Variants in CD36 observed in about 807,000 individuals in gnomAD.
The protein encoded by CD36 is CD36 molecule (CD36 blood group), also known as platelet glycoprotein 4.
A neutral mutation model predicts 55.2 loss-of-function variants in CD36; 119 were observed. The observed-to-expected ratio is 2.15, with a 90% CI of 1.86 to 2.51. CD36 has a LOEUF of 2.51. CD36 is among the 30% of genes most tolerant of loss of function. The probability of loss-of-function intolerance (pLI) is 0.00; values close to 1 mark genes in which losing one functional copy is unlikely to be tolerated. For synonymous variants in CD36, 186 were observed against 193.6 expected (o/e 0.96, Z 0.33); for missense variants, 819 against 555.5 (o/e 1.47, Z -4.77).
rs910630944 is a variant in CD36, at chr7:80,677,724, G to C, written c.*1341G>C. On this transcript the variant is annotated 3_prime_UTR_variant, in exon 15 of 15. Coordinates refer to ENST00000447544, the MANE Select transcript of CD36 (RefSeq NM_001001548.3). Reference sequence around the variant, plus strand: ...ACATGTCCATCTAATATAAAGGAAAGTTTTTTAATCATTGAGGCATGTAGG... The same window carrying C: ...ACATGTCCATCTAATATAAAGGAAACTTTTTTAATCATTGAGGCATGTAGG... 20 of 152,106 alleles carry C rather than the reference G, an allele frequency of 1.3e-4. No individual in the cohort carries two copies. Among genetic ancestry groups the C allele is most frequent in the African/African-American group, 4.8e-4 (20 of 41,398 alleles). 9.4% of individuals were successfully genotyped at this position (152,106 alleles called of 1,614,324 possible).
chr7:80,604,794 C>G (rs1260695308), intron 1 of CD36, among the ~76,000 whole-genome samples: 1 of 151,922 alleles, frequency 6.6e-6, no homozygotes, highest in Non-Finnish European at 1.5e-5. Flanking sequence ...GTTGTTCCTT[C>G]TCATTAAGTC....
chr7:80,667,192 CCAAGGCAGGTAGACTA>C (rs1285312409), intron 8 of CD36, among the ~76,000 whole-genome samples: 7 of 152,028 alleles, frequency 4.6e-5, no homozygotes, highest in Non-Finnish European at 8.8e-5. Flanking sequence ...CTTTGGGAGA[CCAAGGCAGGTAGACTA>C]CTTGTGCCCC....
At chr7:80,633,083 C>T (rs1336379369) in intron 1 of CD36, 2 of 151,920 alleles carry the variant, frequency 1.3e-5, no homozygotes, top group African/African-American at 2.4e-5. Flanking sequence ...GTTTTTTCCT[C>T]GAATAATTTC....
In CD36 at chr7:80,673,343, C is replaced by G. The variant is rs765778656; in HGVS notation, c.1200-12C>G. On this transcript the variant is annotated splice_polypyrimidine_tract_variant and intron_variant, in intron 12 of 14. Transcript: ENST00000447544. ...TTTATATGTTCATAATTATTTTCAACGTATATTACAGAGTATTAAAGAATC... is the reference window on the plus strand; with the variant it reads ...TTTATATGTTCATAATTATTTTCAAGGTATATTACAGAGTATTAAAGAATC... 30 of 1,221,436 alleles carry G rather than the reference C, an allele frequency of 2.5e-5. No homozygotes were observed. Among genetic ancestry groups the G allele is most frequent in the Non-Finnish European group, 3.2e-5 (27 of 838,790 alleles). The allele number at this position is 1,221,436 out of a possible 1,614,324, so 75.7% of individuals were successfully genotyped here.
intron 14 of CD36, among the ~76,000 whole-genome samples, chr7:80,675,842 A>G (rs1181213562): frequency 6.6e-6 from 1 of 152,140 alleles, no homozygotes; most frequent in African/African-American, 2.4e-5. Flanking sequence ...AAATAACCCA[A>G]TGGTCCTTTT....
intron 1 of CD36, among the ~76,000 whole-genome samples, chr7:80,615,572 C>G (rs545913508): frequency 6.6e-6 from 1 of 152,298 alleles, no homozygotes; most frequent in Admixed American, 6.5e-5. Flanking sequence ...CTCCTATCAA[C>G]AAAATCACAA....
chr7:80,611,648 A>G (rs1416951726), intron 1 of CD36, among the ~76,000 whole-genome samples: 1 of 152,156 alleles, frequency 6.6e-6, no homozygotes, highest in Non-Finnish European at 1.5e-5. Flanking sequence ...TGTTAGGAAA[A>G]ATCTATTCTA....
At chr7:80,637,908 CT>C (rs3044686), upstream of CD36, among the ~76,000 whole-genome samples, 122,555 of 144,986 alleles carry the variant, frequency 0.85, 53,815 homozygotes, top group South Asian at 0.97. Flanking sequence ...CAACATAATG[CT>C]TTTTTTTTTT....
At chr7:80,672,888 G>A (rs560669916) in intron 12 of CD36, 45 bp downstream of exon 12, 78 of 1,220,000 alleles carry the variant, frequency 6.4e-5, no homozygotes, top group East Asian at 2.1e-4. Context: ...CTGTAGTATC[G>A]TAGTATCTTC....
At chr7:80,637,083 T>C (rs1794468765), upstream of CD36, 1 of 152,168 alleles carries the variant, frequency 6.6e-6, no homozygotes, top group African/African-American at 2.4e-5. Context: ...GATCATATTT[T>C]CATTATACTT....
At chr7:80,660,815 A>G (rs890871893) in intron 4 of CD36, among the ~76,000 whole-genome samples, 2 of 152,072 alleles carry the variant, frequency 1.3e-5, no homozygotes, top group Non-Finnish European at 2.9e-5. Flanking sequence ...GTGTTTTCCC[A>G]TGGAGTCTCC....
intron 1 of CD36, among the ~76,000 whole-genome samples, chr7:80,632,826 T>G (rs987811970): frequency 1.3e-5 from 2 of 152,010 alleles, no homozygotes; most frequent in African/African-American, 4.8e-5. Context: ...AGGGACCACC[T>G]TTTTAATCCA....
chr7:80,672,139 C>T (rs1477930155), intron 11 of CD36, 99 bp downstream of exon 11: 3 of 979,048 alleles, frequency 3.1e-6, no homozygotes, highest in Non-Finnish European at 1.6e-6. Context: ...AATAAATAAT[C>T]ATATTTATTG....
At chr7:80,672,899 T>C in intron 12 of CD36, 56 bp downstream of exon 12, 1 of 1,121,234 alleles carries the variant, frequency 8.9e-7, no homozygotes, top group Non-Finnish European at 1.4e-6. Flanking sequence ...TAGTATCTTC[T>C]TGTAAGAACA....
chr7:80,614,236 C>T (rs555649168), intron 1 of CD36, among the ~76,000 whole-genome samples: 215 of 152,190 alleles, frequency 1.4e-3, no homozygotes, highest in Non-Finnish European at 2.3e-3. Flanking sequence ...AGAGCACATC[C>T]GTATTGTGGA....
chr7:80,669,970 C>T lies in CD36; in HGVS notation c.766C>T (p.Pro256Ser), dbSNP rs748522221. The T allele has an allele frequency of 1.9e-6, 3 of 1,612,294 alleles. No homozygotes were observed. The South Asian group carries it at 3.3e-5, about 18-fold the overall frequency. Residue 256 changes from proline to serine, a missense_variant, in exon 9 of 15, where the codon CCT becomes TCT. Transcript: ENST00000447544. ...INGTDAASFP[P>S]FVEKSQVLQF... ...TTAAACAGATGCAGCCTCATTTCCA[C>T]CTTTTGTTGAGAAAAGCCAGGTATT...
At chr7:80,621,912 T>A (rs1361007723) in intron 1 of CD36, among the ~76,000 whole-genome samples, 2 of 152,344 alleles carry the variant, frequency 1.3e-5, no homozygotes, top group Admixed American at 6.5e-5. Flanking sequence ...TCAGACTGCA[T>A]TGAGAACTTG....
Position 80,671,146 on chromosome 7 carries a change from A to T in CD36, c.988A>T (p.Ile330Phe). The T allele has an allele frequency of 6.2e-7, 1 of 1,610,640 alleles. No homozygotes were observed. Among genetic ancestry groups the T allele is most frequent in the Non-Finnish European group, 8.5e-7 (1 of 1,177,496 alleles). The change falls in exon 10 of 15, where the codon ATC becomes TTC. Residue 330 changes from isoleucine (I) to phenylalanine (F), a missense_variant. Transcript: ENST00000447544. ...TTGTACATCATATGGTGTGCTAGACATCAGCAAATGCAAAGAAGGTGAGTA... is the reference window on the plus strand; with the variant it reads ...TTGTACATCATATGGTGTGCTAGACTTCAGCAAATGCAAAGAAGGTGAGTA... The part of the protein sequence containing the change: ...KNCTSYGVLD[I>F]SKCKEGRPVY...
chr7:80,617,708 C>T (rs946465675), intron 1 of CD36, among the ~76,000 whole-genome samples: 14 of 129,146 alleles, frequency 1.1e-4, no homozygotes, highest in Admixed American at 1.8e-4. Flanking sequence ...GTCTGAACGA[C>T]AGAGCGAGAC....
Sources: gnomAD v4.1 joint callset for allele counts (sites outside exome capture counted in the v4.1 genomes callset) on GRCh38, gnomAD v4.1.1 for gene constraint, MANE v1.5 for transcripts, NCBI Gene and HGNC (gene_info 2026-07-23, HGNC 2026-07-21) for gene names.